The following THRB variants were observed in gnomAD, a reference collection of about 807,000 sequenced individuals.
The protein encoded by THRB is nuclear receptor subfamily 1 group A member 2.
Under a neutral mutation model 47.8 loss-of-function variants are expected in THRB, and 12 were observed. That is an observed-to-expected ratio of 0.25 (90% CI 0.16 to 0.41). THRB has a LOEUF of 0.41. Among genes scored for constraint, THRB ranks in the 10% least tolerant of loss-of-function variants. The pLI, the probability that THRB is intolerant of heterozygous loss-of-function variation, is 1.00. For missense variants in THRB, 348 were observed against 589.2 expected, an observed-to-expected ratio of 0.59 and a Z score of 4.24; for synonymous variants, 218 against 212.2, an observed-to-expected ratio of 1.03 and a Z score of -0.24.
chr3:24,246,236 T>C (rs986086410), intron 3 of THRB, among the ~76,000 whole-genome samples: 1 of 152,172 alleles, frequency 6.6e-6, no homozygotes, highest in Non-Finnish European at 1.5e-5. Flanking sequence ...TAACTGAGTA[T>C]TGGGTACCAG....
chr3:24,403,079 T>C (rs2067544598), intron 1 of THRB, among the ~76,000 whole-genome samples: 1 of 152,008 alleles, frequency 6.6e-6, no homozygotes, highest in Non-Finnish European at 1.5e-5. Flanking sequence ...AAGAAAAATA[T>C]ATGAGCTAGA....
At chr3:24,182,513 T>C (rs1258172567) in intron 5 of THRB, among the ~76,000 whole-genome samples, 3 of 152,216 alleles carry the variant, frequency 2.0e-5, no homozygotes, top group African/African-American at 7.2e-5. Flanking sequence ...TTTAGAAACT[T>C]CAATCCTGCC....
At chr3:24,414,868 A>G (rs763592580) in intron 1 of THRB, among the ~76,000 whole-genome samples, 18 of 151,884 alleles carry the variant, frequency 1.2e-4, no homozygotes, top group Non-Finnish European at 2.4e-4. Flanking sequence ...CTATTTTCTA[A>G]TAAATAAAAT....
At chr3:24,415,979 A>C (rs1197617264) in intron 1 of THRB, among the ~76,000 whole-genome samples, 1 of 151,864 alleles carries the variant, frequency 6.6e-6, no homozygotes, top group Non-Finnish European at 1.5e-5. Context: ...AACAAGTATG[A>C]ATATGTATTC....
At chr3:24,183,364 TTTTC>T (rs1439954400) in intron 5 of THRB, among the ~76,000 whole-genome samples, 4 of 76,384 alleles carry the variant, frequency 5.2e-5, no homozygotes, top group Admixed American at 1.7e-4. Flanking sequence ...TTCTTTTTTC[TTTTC>T]TTTTTTTTTT....
chr3:24,293,239 C>A (rs2056123743), intron 3 of THRB, among the ~76,000 whole-genome samples: 1 of 152,150 alleles, frequency 6.6e-6, no homozygotes, highest in Admixed American at 6.5e-5. Context: ...GATCATTAAG[C>A]TATTGAGCTT....
chr3:24,470,683 C>A lies in THRB; in HGVS notation c.-261+23969G>T, dbSNP rs182553747. Among the ~76,000 whole-genome samples, 641 of 152,304 alleles carry A rather than the reference C, an allele frequency of 4.2e-3. 6 individuals are homozygous for A. The highest frequency in any genetic ancestry group is 0.015 in the African/African-American group (620 of 41,562). On this transcript the variant is annotated intron_variant, in intron 1 of 10. Coordinates refer to ENST00000646209, the MANE Select transcript of THRB (RefSeq NM_001354712.2). ...CCAGGCTGGAGTGCAATGGTGCGAT[C>A]TCGGCTCACTGCAACCCCTGCCTCT...
At chr3:24,301,593 T>A (rs1025788304) in intron 2 of THRB, among the ~76,000 whole-genome samples, 5 of 152,062 alleles carry the variant, frequency 3.3e-5, no homozygotes, top group African/African-American at 4.8e-5. Flanking sequence ...CCCTTATTAA[T>A]TAGCTCTGTA....
chr3:24,285,439 G>GGGGGA (rs1681620018), intron 3 of THRB, among the ~76,000 whole-genome samples: 1 of 122,344 alleles, frequency 8.2e-6, no homozygotes, highest in Non-Finnish European at 1.7e-5. Context: ...TTGTGGGGTG[G>GGGGGA]GGGGAGGGGG....
At chr3:24,446,666 A>T (rs1195516621) in intron 1 of THRB, among the ~76,000 whole-genome samples, 1 of 152,162 alleles carries the variant, frequency 6.6e-6, no homozygotes, top group South Asian at 2.1e-4. Flanking sequence ...AGTATAATTC[A>T]TGGAGCTTTA....
intron 2 of THRB, among the ~76,000 whole-genome samples, chr3:24,313,830 C>T: frequency 6.6e-6 from 1 of 151,832 alleles, no homozygotes; most frequent in East Asian, 1.9e-4. Flanking sequence ...ATAATATCAC[C>T]TTTCAGTTCA....
At chr3:24,192,227 T>C (rs1356112787) in intron 4 of THRB, among the ~76,000 whole-genome samples, 1 of 152,168 alleles carries the variant, frequency 6.6e-6, no homozygotes, top group Non-Finnish European at 1.5e-5. Context: ...AACATATCCA[T>C]GTGTAACTCA....
At chr3:24,186,045 G>A (rs1417382455) in intron 5 of THRB, among the ~76,000 whole-genome samples, 1 of 152,152 alleles carries the variant, frequency 6.6e-6, no homozygotes. Context: ...GGCTCCCCAC[G>A]TGCAGTCAGG....
chr3:24,392,199 G>C (rs970269015), intron 1 of THRB, among the ~76,000 whole-genome samples: 2 of 152,092 alleles, frequency 1.3e-5, no homozygotes, highest in Non-Finnish European at 2.9e-5. Context: ...TTTACTGAGG[G>C]TTTGGCTATT....
chr3:24,247,095 G>A (rs1173354755), intron 3 of THRB, among the ~76,000 whole-genome samples: 8 of 152,266 alleles, frequency 5.3e-5, no homozygotes, highest in Non-Finnish European at 2.9e-5. Context: ...ACAAAACGTG[G>A]CTCTTGGCTT....
intron 10 of THRB, among the ~76,000 whole-genome samples, chr3:24,124,947 T>G (rs2032451467): frequency 6.6e-6 from 1 of 152,212 alleles, no homozygotes; most frequent in African/African-American, 2.4e-5. Flanking sequence ...GAAAAGTTAT[T>G]AAGTTGTCCT....
At chr3:24,436,943 A>G (rs1254697289) in intron 1 of THRB, among the ~76,000 whole-genome samples, 4 of 152,084 alleles carry the variant, frequency 2.6e-5, no homozygotes, top group Non-Finnish European at 4.4e-5. Context: ...AATCCACTTT[A>G]GGAAATGGAA....
chr3:24,204,619 G>A (rs528183337), intron 4 of THRB, among the ~76,000 whole-genome samples: 6 of 152,338 alleles, frequency 3.9e-5, no homozygotes, highest in African/African-American at 7.2e-5. Flanking sequence ...AAGGAACACA[G>A]CTCCTCACCA....
chr3:24,138,420 T>C (rs1031915828), intron 8 of THRB, among the ~76,000 whole-genome samples: 1 of 152,132 alleles, frequency 6.6e-6, no homozygotes, highest in South Asian at 2.1e-4. Context: ...GTGGTAAGGA[T>C]AGTGCATGTA....
Sources: gnomAD v4.1 joint callset for allele counts (sites outside exome capture counted in the v4.1 genomes callset) on GRCh38, gnomAD v4.1.1 for gene constraint, MANE v1.5 for transcripts, NCBI Gene and HGNC (gene_info 2026-07-23, HGNC 2026-07-21) for gene names.